Variants in GRIP2 observed in about 807,000 individuals in gnomAD.
The protein encoded by GRIP2 is glutamate receptor-interacting protein 2.
Under a neutral mutation model 108.3 loss-of-function variants are expected in GRIP2, and 58 were observed. That is an observed-to-expected ratio of 0.54 (90% CI 0.43 to 0.67). The LOEUF (loss-of-function observed/expected upper bound fraction) is 0.67. GRIP2 is among the 30% of genes least tolerant of loss of function. The pLI is 0.00. For synonymous variants in GRIP2, 586 were observed against 598.2 expected (o/e 0.98, Z 0.30); for missense variants, 1,278 against 1,430.6 (o/e 0.89, Z 1.72).
intron 12 of GRIP2, among the ~76,000 whole-genome samples, chr3:14,514,065 T>G (rs1013752770): frequency 6.6e-6 from 1 of 152,258 alleles, no homozygotes; most frequent in African/African-American, 2.4e-5. Context: ...GACTCTGCCT[T>G]CAGGCAGACA....
chr3:14,600,550 C>T, the GRIP2 span, among the ~76,000 whole-genome samples: 1 of 152,260 alleles, frequency 6.6e-6, no homozygotes, highest in South Asian at 2.1e-4. Context: ...TTGTTCAAAA[C>T]ATCCCTCCCG....
At chr3:14,517,042 G>C (rs760120744) in intron 11 of GRIP2, 22 bp downstream of exon 11, 4 of 1,505,072 alleles carry the variant, frequency 2.7e-6, no homozygotes, top group Admixed American at 2.2e-5. Flanking sequence ...GCCCAAGGAG[G>C]AGGGAAGAGA....
At chr3:14,602,001 A>G in the GRIP2 span, 1 of 152,224 alleles carries the variant, frequency 6.6e-6, no homozygotes, top group Non-Finnish European at 1.5e-5. This position sits in a 1 kb window ranked among gnomAD's most constrained non-coding sequence, Gnocchi z 4.7. Context: ...CGAAAGAAAA[A>G]TAGCGCCCTC....
chr3:14,568,248 T>C, the GRIP2 span, among the ~76,000 whole-genome samples: 3 of 150,178 alleles, frequency 2.0e-5, no homozygotes, highest in African/African-American at 7.4e-5. Context: ...GAGGAGGGAG[T>C]GAGGGTGGAG....
At chr3:14,513,382 G>A (rs1471795512) in intron 13 of GRIP2, among the ~76,000 whole-genome samples, 6 of 152,162 alleles carry the variant, frequency 3.9e-5, no homozygotes, top group African/African-American at 7.2e-5. Flanking sequence ...ACTGTTGTTC[G>A]AGGTTCTTTG....
chr3:14,530,384 T>G (rs755998819), intron 1 of GRIP2, among the ~76,000 whole-genome samples: 22 of 148,428 alleles, frequency 1.5e-4, no homozygotes, highest in Non-Finnish European at 1.6e-4. Flanking sequence ...GCACTCATCC[T>G]ACTTGTTTTC....
chr3:14,576,868 G>C, the GRIP2 span, among the ~76,000 whole-genome samples: 1 of 152,150 alleles, frequency 6.6e-6, no homozygotes, highest in East Asian at 1.9e-4. Flanking sequence ...TCAACCACTT[G>C]AACCATTGAT....
At chr3:14,567,120 C>A in the GRIP2 span, among the ~76,000 whole-genome samples, 1 of 152,164 alleles carries the variant, frequency 6.6e-6, no homozygotes, top group African/African-American at 2.4e-5. Flanking sequence ...TTGAGGCCAG[C>A]TGGAGCATTC....
At chr3:14,506,230 C>A (rs1268814410) in intron 19 of GRIP2, among the ~76,000 whole-genome samples, 1 of 152,208 alleles carries the variant, frequency 6.6e-6, no homozygotes, top group Non-Finnish European at 1.5e-5. Flanking sequence ...GCCTCGCCCC[C>A]CCTACCCAGT....
chr3:14,524,653 T>A (rs1575016276), intron 3 of GRIP2, 115 bp from the exon 4 acceptor site: 1 of 1,218,522 alleles, frequency 8.2e-7, no homozygotes, highest in African/African-American at 1.5e-5. Context: ...ATTTCACAAA[T>A]GGGGAAGCTG....
intron 1 of GRIP2, among the ~76,000 whole-genome samples, chr3:14,549,963 A>G (rs1695118553): frequency 6.6e-6 from 1 of 152,140 alleles, no homozygotes; most frequent in Non-Finnish European, 1.5e-5. Context: ...ACCCTCAGGC[A>G]GGGTGAGAAC....
the GRIP2 span, among the ~76,000 whole-genome samples, chr3:14,581,015 A>G: frequency 6.6e-6 from 1 of 152,188 alleles, no homozygotes; most frequent in African/African-American, 2.4e-5. Context: ...CAGCTCCACA[A>G]TTGCATGAGC....
the GRIP2 span, among the ~76,000 whole-genome samples, chr3:14,592,133 A>G: frequency 6.6e-6 from 1 of 152,262 alleles, no homozygotes; most frequent in Non-Finnish European, 1.5e-5. Flanking sequence ...CTCCACATAG[A>G]GGGGCATCTC....
At chr3:14,531,817 T>C (rs539336075) in intron 1 of GRIP2, among the ~76,000 whole-genome samples, 16 of 152,310 alleles carry the variant, frequency 1.1e-4, no homozygotes, top group African/African-American at 3.8e-4. Flanking sequence ...ACATTCCTCA[T>C]CTAAGTCTCC....
the GRIP2 span, among the ~76,000 whole-genome samples, chr3:14,594,535 G>A: frequency 3.9e-5 from 6 of 152,198 alleles, no homozygotes; most frequent in Admixed American, 3.3e-4. Context: ...AGTCTCTTGG[G>A]ATCAACACTC....
At chr3:14,579,049 A>T in the GRIP2 span, among the ~76,000 whole-genome samples, 82 of 152,322 alleles carry the variant, frequency 5.4e-4, no homozygotes, top group African/African-American at 1.9e-3. Flanking sequence ...ACAGCATCCC[A>T]AACTAGAACC....
upstream of GRIP2, among the ~76,000 whole-genome samples, chr3:14,558,821 G>A (rs1695277391): frequency 1.3e-5 from 2 of 152,176 alleles, no homozygotes; most frequent in Admixed American, 6.5e-5. Context: ...AACTGACTAC[G>A]GAGCCCAGCC....
Position 14,490,912 on chromosome 3 carries a change from G to C in GRIP2, c.*2753C>G, listed in dbSNP as rs1042461055. ...GGTCCCTCTATCCCGTTACTCCCTT[G>C]TTTTCTTTGTTGCACTTGATGCCTT... On this transcript the variant is annotated 3_prime_UTR_variant, in exon 24 of 24. Transcript: ENST00000621039. 6.6e-6 allele frequency: 1 copy of C among 152,170 alleles called. No individual in the cohort carries two copies. The highest frequency in any genetic ancestry group is 2.4e-5 in the African/African-American group (1 of 41,430). The allele number at this position is 152,170 out of a possible 1,614,324, so 9.4% of individuals were successfully genotyped here.
intron 3 of GRIP2, 25 bp downstream of exon 3, chr3:14,525,412 C>T (rs7610941): frequency 0.048 from 77,605 of 1,607,618 alleles, 2,383 homozygotes; most frequent in East Asian, 0.16. Context: ...CCCCCTCCTG[C>T]GGCCGTGCCA....
Sources: allele counts gnomAD v4.1 joint callset (sites outside exome capture counted in the v4.1 genomes callset), GRCh38; gene constraint gnomAD v4.1.1; non-coding constraint Gnocchi (gnomAD v3.1); transcripts MANE v1.5; gene names NCBI Gene and HGNC (gene_info 2026-07-23, HGNC 2026-07-21).